Variants in BCAS3 observed in about 807,000 individuals in gnomAD.
BCAS3 encodes BCAS3 microtubule associated cell migration factor.
In BCAS3, 53 loss-of-function variants were observed where a neutral mutation model predicts 116.1. The observed-to-expected ratio is 0.46, with a 90% confidence interval of 0.37 to 0.57. The LOEUF is 0.57. Among genes scored for constraint, BCAS3 ranks in the 20% least tolerant of loss-of-function variants. BCAS3 has a pLI of 0.00. For synonymous variants in BCAS3, 391 were observed against 408.2 expected, an observed-to-expected ratio of 0.96 and a Z score of 0.51; for missense variants, 917 against 1,165.4, an observed-to-expected ratio of 0.79 and a Z score of 3.10.
At chr17:61,252,303 G>A (rs572819745) in intron 22 of BCAS3, among the ~76,000 whole-genome samples, 1 of 152,342 alleles carries the variant, frequency 6.6e-6, no homozygotes, top group Admixed American at 6.5e-5. Context: ...AAAAGAGAGT[G>A]TATTTAGGAA....
At position 61,141,885 on chromosome 17, in the gene BCAS3, G is replaced by GC. The variant is rs926552790; in HGVS notation, c.2425+57322dup. On this transcript the variant is annotated intron_variant, in intron 22 of 23. Transcript: ENST00000407086. The surrounding 1 kb of genome is among the most constrained non-coding windows in gnomAD (Gnocchi z 4.3). ...CACTGCACTCCAGCCTGGTGACAGA[G>GC]CGAGACCCCACCTCAAGAAAAAAAA... Among the ~76,000 whole-genome samples the GC allele has an allele frequency of 7.2e-6, 1 of 139,656 alleles. No individual in the cohort carries two copies. Among genetic ancestry groups the GC allele is most frequent in the Non-Finnish European group, 1.5e-5 (1 of 65,936 alleles). 91.6% of individuals were successfully genotyped at this position (139,656 alleles called of 152,430 possible).
At chr17:60,810,378 G>T (rs2048693696) in intron 7 of BCAS3, 1 of 456,672 alleles carries the variant, frequency 2.2e-6, no homozygotes, top group African/African-American at 2.0e-5. Flanking sequence ...CGGGGGGTCT[G>T]GCAGGACTGA....
intron 5 of BCAS3, among the ~76,000 whole-genome samples, chr17:60,726,264 G>A (rs1406259419): frequency 2.8e-5 from 4 of 141,550 alleles, no homozygotes; most frequent in East Asian, 2.1e-4. Context: ...GCAGTGGCAC[G>A]ATCTCGGCTC....
At chr17:61,336,757 G>A (rs2056754485) in intron 22 of BCAS3, among the ~76,000 whole-genome samples, 1 of 152,198 alleles carries the variant, frequency 6.6e-6, no homozygotes, top group Admixed American at 6.5e-5. Context: ...AATGTGTCAT[G>A]TCATTTTGCC....
Position 61,088,183 on chromosome 17 carries a change from A to G in BCAS3, c.2425+3619A>G, listed in dbSNP as rs796416270. On this transcript the variant is annotated intron_variant, in intron 22 of 23. Coordinates refer to ENST00000407086, the MANE Select transcript of BCAS3 (RefSeq NM_017679.5). This position sits in a 1 kb window ranked among gnomAD's most constrained non-coding sequence, Gnocchi z 4.2. ...GGTGACCGAGCAAGGCTCTGTCTCA[A>G]AAAGACAAAACAAAACGAAACAAAA... Among the ~76,000 whole-genome samples the G allele has an allele frequency of 2.0e-5, 3 of 152,194 alleles. No individual in the cohort carries two copies. Among genetic ancestry groups the G allele is most frequent in the African/African-American group, 7.2e-5 (3 of 41,444 alleles).
Position 61,041,241 on chromosome 17 carries a change from G to GA in BCAS3, c.2029+360dup, listed in dbSNP as rs60664735. On this transcript the variant is annotated intron_variant, in intron 19 of 23. Transcript: ENST00000407086. This position sits in a 1 kb window ranked among gnomAD's most constrained non-coding sequence, Gnocchi z 4.7. ...AAGCTTGGAATCTGTTTCTAACATGGAAAAAAAAAAACCCCAAAACTTAGC... is the reference window on the plus strand; with the variant it reads ...AAGCTTGGAATCTGTTTCTAACATGGAAAAAAAAAAAACCCCAAAACTTAGC... Among the ~76,000 whole-genome samples the GA allele has an allele frequency of 0.1, 15,067 of 144,922 alleles. 2,246 individuals are homozygous for GA. The highest frequency in any genetic ancestry group is 0.34 in the African/African-American group (13,531 of 40,066).
chr17:61,073,762 C>T lies in BCAS3; in HGVS notation c.2030-1158C>T, dbSNP rs1335949395. On this transcript the variant is annotated intron_variant, in intron 19 of 23. Coordinates refer to ENST00000407086, the MANE Select transcript of BCAS3 (RefSeq NM_017679.5). This position sits in a 1 kb window ranked among gnomAD's most constrained non-coding sequence, Gnocchi z 4.6. Reference sequence around the variant, plus strand: ...CTTTCTTACTTTTCTTTCTACTTACCTCCCCTCTTTTTCTCTGTTCCTCCC... The same window carrying T: ...CTTTCTTACTTTTCTTTCTACTTACTTCCCCTCTTTTTCTCTGTTCCTCCC... Among the ~76,000 whole-genome samples, 1 of 151,840 alleles carries T rather than the reference C, an allele frequency of 6.6e-6. No homozygotes were observed. Among genetic ancestry groups the T allele is most frequent in the East Asian group, 1.9e-4 (1 of 5,190 alleles).
intron 22 of BCAS3, among the ~76,000 whole-genome samples, chr17:61,221,055 G>A (rs1047522665): frequency 6.6e-6 from 1 of 152,172 alleles, no homozygotes; most frequent in African/African-American, 2.4e-5. Context: ...AGCCGAGATC[G>A]CACCACTGCA....
At chr17:60,971,923 T>C (rs866949948) in intron 14 of BCAS3, among the ~76,000 whole-genome samples, 29 of 152,314 alleles carry the variant, frequency 1.9e-4, no homozygotes, top group Middle Eastern at 3.4e-3. Flanking sequence ...ATAGCAGCCT[T>C]CTAAAAAAGG....
intron 23 of BCAS3, among the ~76,000 whole-genome samples, chr17:61,374,333 G>A (rs2059226117): frequency 6.6e-6 from 1 of 150,770 alleles, no homozygotes; most frequent in African/African-American, 2.4e-5. Flanking sequence ...ACCACACTCG[G>A]CTAATTTTTG....
rs575758579 is a variant in BCAS3, at chr17:61,243,325, G to A, written c.2426-125002G>A. 7.2e-5 allele frequency among the ~76,000 whole-genome samples: 11 copies of A among 152,296 alleles called. No individual in the cohort carries two copies. Among genetic ancestry groups the A allele is most frequent in the African/African-American group, 2.4e-4 (10 of 41,566 alleles). ...GAATCTCTTTCTTATTTAAAGCTGA[G>A]TAATATTCCATTGTGTCTATATACT... On this transcript the variant is annotated intron_variant, in intron 22 of 23. Transcript: ENST00000407086. This position sits in a 1 kb window ranked among gnomAD's most constrained non-coding sequence, Gnocchi z 5.6.
At chr17:60,712,059 G>A (rs751410067) in intron 5 of BCAS3, among the ~76,000 whole-genome samples, 35 of 152,306 alleles carry the variant, frequency 2.3e-4, no homozygotes, top group Non-Finnish European at 5.0e-4. Flanking sequence ...CAGCTACTCT[G>A]GAGGCTGAGG....
At chr17:60,798,870 G>A (rs1265992478) in intron 6 of BCAS3, among the ~76,000 whole-genome samples, 1 of 152,182 alleles carries the variant, frequency 6.6e-6, no homozygotes, top group South Asian at 2.1e-4. Context: ...GAATTTGGTC[G>A]TTCTGGTAGC....
rs780915264 is a variant in BCAS3, at chr17:61,229,764, T to A, written c.2426-138563T>A. 2.7e-4 allele frequency among the ~76,000 whole-genome samples: 41 copies of A among 152,190 alleles called. No individual in the cohort carries two copies. The highest frequency in any genetic ancestry group is 2.6e-4 in the Admixed American group (4 of 15,282). ...ATCCCTCTTACCCCGTCTCTAGATA[T>A]GGAGCCACAACCTTGCCTGCTACCA... On this transcript the variant is annotated intron_variant, in intron 22 of 23. Coordinates refer to ENST00000407086, the MANE Select transcript of BCAS3 (RefSeq NM_017679.5). The surrounding 1 kb of genome is among the most constrained non-coding windows in gnomAD (Gnocchi z 4.4).
At chr17:60,996,728 G>A (rs1405786605) in intron 15 of BCAS3, among the ~76,000 whole-genome samples, 2 of 152,162 alleles carry the variant, frequency 1.3e-5, no homozygotes, top group African/African-American at 4.8e-5. Flanking sequence ...AGATCACCTT[G>A]TAGGTAAGTG....
At chr17:61,320,141 C>T (rs1318814814) in intron 22 of BCAS3, among the ~76,000 whole-genome samples, 1 of 151,704 alleles carries the variant, frequency 6.6e-6, no homozygotes, top group African/African-American at 2.4e-5. Flanking sequence ...CCTCCCGCCT[C>T]GGCCTCCCAA....
rs1340759851 is a variant in BCAS3, at chr17:61,309,002, C to T, written c.2426-59325C>T. ...TGTCTCCTCTCTCCAGCCATGTGGC[C>T]TCCCCCAGCAGAGGCTTTGAGGACC... is the stretch of plus-strand genomic sequence containing the variant. On this transcript the variant is annotated intron_variant, in intron 22 of 23. Transcript: ENST00000407086. The surrounding 1 kb of genome is among the most constrained non-coding windows in gnomAD (Gnocchi z 4.6). Among the ~76,000 whole-genome samples, 3 of 152,110 alleles carry T rather than the reference C, an allele frequency of 2.0e-5. No homozygotes were observed. The highest frequency in any genetic ancestry group is 1.3e-4 in the Admixed American group (2 of 15,264).
In BCAS3 at chr17:61,068,469, C is replaced by T. The variant is rs916760808; in HGVS notation, c.2030-6451C>T. On this transcript the variant is annotated intron_variant, in intron 19 of 23. Transcript: ENST00000407086. This position sits in a 1 kb window ranked among gnomAD's most constrained non-coding sequence, Gnocchi z 4.3. ...CTCTGCAGCATCCATTCTTGTTTCT[C>T]ATCCAGCTCCTGTCAGTTGTCTGGA... is the stretch of plus-strand genomic sequence containing the variant. 3.3e-5 allele frequency among the ~76,000 whole-genome samples: 5 copies of T among 152,212 alleles called. No individual in the cohort carries two copies. The highest frequency in any genetic ancestry group is 1.2e-4 in the African/African-American group (5 of 41,448).
At chr17:60,800,001 G>A (rs1195983208) in intron 6 of BCAS3, among the ~76,000 whole-genome samples, 6 of 151,952 alleles carry the variant, frequency 3.9e-5, no homozygotes, top group Non-Finnish European at 8.8e-5. Context: ...GACATCCAGG[G>A]GTGATTTTGA....
Sources: gnomAD v4.1 joint callset for allele counts (sites outside exome capture counted in the v4.1 genomes callset) on GRCh38, gnomAD v4.1.1 for gene constraint, Gnocchi (gnomAD v3.1) non-coding constraint, MANE v1.5 for transcripts, NCBI Gene and HGNC (gene_info 2026-07-23, HGNC 2026-07-21) for gene names.